Variants in CDK6 observed in about 807,000 individuals in gnomAD.
The protein encoded by CDK6 is cyclin-dependent kinase 6.
A neutral mutation model predicts 37.1 loss-of-function variants in CDK6; 6 were observed. The ratio of observed to expected loss-of-function variants is 0.16; its 90% CI spans 0.09 to 0.32. The LOEUF (loss-of-function observed/expected upper bound fraction) is 0.32. Ranked by LOEUF, CDK6 falls within the 10% of genes least tolerant of loss-of-function variation. CDK6 has a pLI of 1.00. For missense variants in CDK6, 224 were observed against 418.9 expected, an observed-to-expected ratio of 0.53 and a Z score of 4.06; for synonymous variants, 160 against 161.3, an observed-to-expected ratio of 0.99 and a Z score of 0.06.
chr7:92,699,810 G>A (rs1487292108), intron 4 of CDK6, among the ~76,000 whole-genome samples: 1 of 152,224 alleles, frequency 6.6e-6, no homozygotes, highest in Non-Finnish European at 1.5e-5. Context: ...GTGCGAGGTA[G>A]ACGTAAATAA....
chr7:92,623,005 A>T (rs2116494637), intron 6 of CDK6, 31 bp downstream of exon 6: 1 of 1,352,132 alleles, frequency 7.4e-7, no homozygotes, highest in Non-Finnish European at 1.0e-6. Flanking sequence ...AATGCTATGG[A>T]CACTGGTGTA....
intron 4 of CDK6, among the ~76,000 whole-genome samples, chr7:92,677,470 T>C (rs913914859): frequency 6.6e-6 from 1 of 151,968 alleles, no homozygotes; most frequent in African/African-American, 2.4e-5. Flanking sequence ...ATAAAAAAAA[T>C]TAGCCAGGTG....
intron 2 of CDK6, among the ~76,000 whole-genome samples, chr7:92,805,457 G>A (rs1216266368): frequency 5.9e-5 from 9 of 152,148 alleles, no homozygotes; most frequent in African/African-American, 1.2e-4. Flanking sequence ...ACCAAAATGA[G>A]TGAGCTCAAG....
chr7:92,633,433 C>G (rs1366353333), intron 5 of CDK6, among the ~76,000 whole-genome samples: 1 of 152,094 alleles, frequency 6.6e-6, no homozygotes. Context: ...GGGTTTGTGA[C>G]AGATGCAAAT....
intron 2 of CDK6, among the ~76,000 whole-genome samples, chr7:92,787,622 C>T (rs1039163265): frequency 6.6e-6 from 1 of 152,038 alleles, no homozygotes; most frequent in Non-Finnish European, 1.5e-5. Context: ...TGCATTACTG[C>T]CGCATTAAAG....
chr7:92,740,845 C>A (rs1005450531), intron 3 of CDK6, among the ~76,000 whole-genome samples: 31 of 152,250 alleles, frequency 2.0e-4, no homozygotes, highest in African/African-American at 6.3e-4. Context: ...CATCAGAAAC[C>A]TAAGCTCCTC....
chr7:92,764,015 TTAGA>T (rs1385987643), intron 3 of CDK6, among the ~76,000 whole-genome samples: 1 of 152,138 alleles, frequency 6.6e-6, no homozygotes, highest in Non-Finnish European at 1.5e-5. Flanking sequence ...CAACCCTTTA[TTAGA>T]TAGTTACTCA....
chr7:92,742,707 A>G lies in CDK6; in HGVS notation c.370-16914T>C, dbSNP rs896232211. Among the ~76,000 whole-genome samples, 3 of 151,694 alleles carry G rather than the reference A, an allele frequency of 2.0e-5. 1 individual carries two copies. The highest frequency in any genetic ancestry group is 2.0e-4 in the Admixed American group (3 of 15,226). ...CTTTTTTTTCTGAATTTACCAGTTAAAATTTTATATGTATAAAATGTATAC... is the reference window on the plus strand; with the variant it reads ...CTTTTTTTTCTGAATTTACCAGTTAGAATTTTATATGTATAAAATGTATAC... On this transcript the variant is annotated intron_variant, in intron 3 of 7. Coordinates refer to ENST00000424848, the MANE Select transcript of CDK6 (RefSeq NM_001145306.2).
intron 3 of CDK6, among the ~76,000 whole-genome samples, chr7:92,754,644 A>C (rs1799268607): frequency 6.6e-6 from 1 of 152,248 alleles, no homozygotes; most frequent in South Asian, 2.1e-4. Flanking sequence ...CTATTTGGAT[A>C]ACAGCAGCTT....
chr7:92,643,778 T>C (rs776333323), intron 5 of CDK6, among the ~76,000 whole-genome samples: 1 of 152,226 alleles, frequency 6.6e-6, no homozygotes. Flanking sequence ...ATCACAAATA[T>C]GATATAAATG....
chr7:92,648,711 TC>T (rs1796504039), intron 5 of CDK6, among the ~76,000 whole-genome samples: 3 of 152,180 alleles, frequency 2.0e-5, no homozygotes, highest in Admixed American at 2.0e-4. Flanking sequence ...CAAGTGACCA[TC>T]TATAAGATGA....
chr7:92,636,522 T>C (rs1381818730), intron 5 of CDK6, among the ~76,000 whole-genome samples: 2 of 152,216 alleles, frequency 1.3e-5, no homozygotes, highest in African/African-American at 4.8e-5. Flanking sequence ...GTCATATTTT[T>C]GATTTTATAA....
At chr7:92,719,688 T>A (rs563082018) in intron 4 of CDK6, among the ~76,000 whole-genome samples, 2 of 152,312 alleles carry the variant, frequency 1.3e-5, no homozygotes, top group East Asian at 3.9e-4. Context: ...GGAAAAATGC[T>A]AACTTCATGA....
intron 5 of CDK6, among the ~76,000 whole-genome samples, chr7:92,634,593 T>C (rs1295874780): frequency 6.6e-6 from 1 of 152,168 alleles, no homozygotes; most frequent in African/African-American, 2.4e-5. Context: ...ATGAATTAAT[T>C]TGGAAACCTT....
At chr7:92,829,454 TC>T (rs1801421342) in intron 2 of CDK6, among the ~76,000 whole-genome samples, 1 of 152,186 alleles carries the variant, frequency 6.6e-6, no homozygotes, top group African/African-American at 2.4e-5. Context: ...CAGCACATGA[TC>T]CTATCATGTA....
intron 6 of CDK6, among the ~76,000 whole-genome samples, chr7:92,622,007 G>GTT (rs34468342): frequency 1.3e-4 from 18 of 139,186 alleles, no homozygotes; most frequent in African/African-American, 2.9e-4. Flanking sequence ...TTTAGGGGTG[G>GTT]TTTTTTTTTT....
chr7:92,726,918 T>C (rs1798527575), intron 3 of CDK6, among the ~76,000 whole-genome samples: 2 of 152,216 alleles, frequency 1.3e-5, no homozygotes, highest in Non-Finnish European at 2.9e-5. Context: ...AGGATCATTG[T>C]AAAGCACTTA....
intron 4 of CDK6, chr7:92,701,719 A>G (rs1489903919): frequency 6.6e-6 from 1 of 152,400 alleles, no homozygotes; most frequent in Non-Finnish European, 1.5e-5. Flanking sequence ...AAAATATGGA[A>G]TGCTTCACGA....
chr7:92,626,240 T>C (rs1458410710), intron 5 of CDK6, among the ~76,000 whole-genome samples: 2 of 151,978 alleles, frequency 1.3e-5, no homozygotes, highest in South Asian at 2.1e-4. Context: ...ATAAATTACA[T>C]TTCAAAGTAT....
Sources: allele counts gnomAD v4.1 joint callset (sites outside exome capture counted in the v4.1 genomes callset), GRCh38; gene constraint gnomAD v4.1.1; transcripts MANE v1.5; gene names NCBI Gene and HGNC (gene_info 2026-07-23, HGNC 2026-07-21).